EPB41L2: variants seen among roughly 807,000 people sequenced by gnomAD.
EPB41L2 encodes the protein erythrocyte membrane protein band 4.1 like 2.
In EPB41L2, 43 loss-of-function variants were observed where a neutral mutation model predicts 113.0. The observed-to-expected ratio is 0.38, with a 90% confidence interval of 0.30 to 0.49. The LOEUF is 0.49. Among genes scored for constraint, EPB41L2 ranks in the 20% least tolerant of loss-of-function variants. The pLI is 0.95. For synonymous variants in EPB41L2, 442 were observed against 436.7 expected, an observed-to-expected ratio of 1.01 and a Z score of -0.15; for missense variants, 1,147 against 1,223.4, an observed-to-expected ratio of 0.94 and a Z score of 0.93.
chr6:130,849,693 T>G (rs1172704601), intron 19 of EPB41L2, among the ~76,000 whole-genome samples: 2 of 152,202 alleles, frequency 1.3e-5, no homozygotes, highest in Non-Finnish European at 2.9e-5. Flanking sequence ...TCTGTCCCTG[T>G]GTGTAGCATA....
intron 3 of EPB41L2, among the ~76,000 whole-genome samples, chr6:130,930,319 G>C (rs539184613): frequency 1.3e-5 from 2 of 152,250 alleles, no homozygotes; most frequent in African/African-American, 4.8e-5. Flanking sequence ...AGGTAGGAAA[G>C]AATTACAGGT....
chr6:130,969,324 A>C (rs1287118978), intron 1 of EPB41L2, among the ~76,000 whole-genome samples: 1 of 152,194 alleles, frequency 6.6e-6, no homozygotes, highest in African/African-American at 2.4e-5. Flanking sequence ...TCAACAATAA[A>C]AAAGGAATCG....
At chr6:130,870,188 A>G (rs561919561) in intron 14 of EPB41L2, 62 bp from the exon 15 acceptor site, 2 of 1,545,840 alleles carry the variant, frequency 1.3e-6, no homozygotes, top group East Asian at 2.3e-5. Context: ...AACAACGGAA[A>G]CCCAAATTAA....
At chr6:130,858,375 A>G (rs1780951892) in intron 18 of EPB41L2, 132 bp from the exon 19 acceptor site, 2 of 634,714 alleles carry the variant, frequency 3.2e-6, no homozygotes, top group Admixed American at 2.8e-5. Context: ...TATTTGAGAA[A>G]GCAGGAAGAT....
chr6:130,878,166 C>G lies in EPB41L2; in HGVS notation c.1981G>C (p.Glu661Gln). Residue 661 changes from glutamate (E) to glutamine (Q), a missense_variant, in exon 14 of 20, where the codon GAG becomes CAG. Physicochemically the swap from Glu to Gln is conservative, Grantham distance 29. Transcript: ENST00000337057. ...TTTTCCCATTCATTAGGGCGCGGCT[C>G]AGGTGTGGATTCCATAAAATTGCGC... ...LKRNFMESTP[E>Q]PRPNEWEKRR... is the part of the protein sequence containing the mutation. The G allele has an allele frequency of 3.1e-6, 5 of 1,613,528 alleles. No individual in the cohort carries two copies. The highest frequency in any genetic ancestry group is 4.2e-6 in the Non-Finnish European group (5 of 1,179,816).
intron 1 of EPB41L2, among the ~76,000 whole-genome samples, chr6:130,960,469 C>CAGGAAG (rs1773198603): frequency 6.6e-6 from 1 of 152,076 alleles, no homozygotes; most frequent in African/African-American, 2.4e-5. Flanking sequence ...AGGAAGAGCA[C>CAGGAAG]CGACAAAACC....
Position 130,895,815 on chromosome 6 carries a change from G to A in EPB41L2, c.1237-696C>T, listed in dbSNP as rs142707386. On this transcript the variant is annotated intron_variant, in intron 8 of 19. Transcript: ENST00000337057. ...TTCCCTAGAGCTTTAATCTGGAATC[G>A]ATGACAATCTAGAATAATCACAGGC... Among the ~76,000 whole-genome samples, 1,229 of 152,238 alleles carry A rather than the reference G, an allele frequency of 8.1e-3. 14 individuals carry two copies. Among genetic ancestry groups the A allele is most frequent in the African/African-American group, 0.027 (1,138 of 41,534 alleles).
At chr6:130,896,873 T>C (rs1271230594) in intron 8 of EPB41L2, among the ~76,000 whole-genome samples, 2 of 152,106 alleles carry the variant, frequency 1.3e-5, no homozygotes, top group African/African-American at 4.8e-5. Context: ...GAGTTCAGTA[T>C]AAAGGGAGTT....
intron 1 of EPB41L2, among the ~76,000 whole-genome samples, chr6:131,002,195 A>G (rs1224983172): frequency 6.6e-6 from 1 of 152,184 alleles, no homozygotes; most frequent in Non-Finnish European, 1.5e-5. Flanking sequence ...TTCGATCACC[A>G]GTGCCAGCAC....
At chr6:131,049,866 T>A (rs893527385) in intron 1 of EPB41L2, among the ~76,000 whole-genome samples, 1 of 152,190 alleles carries the variant, frequency 6.6e-6, no homozygotes, top group African/African-American at 2.4e-5. Context: ...TTGGCAGACT[T>A]CCTGAGTTTT....
chr6:130,926,786 G>T, intron 3 of EPB41L2, 77 bp from the exon 4 acceptor site: 2 of 782,618 alleles, frequency 2.6e-6, no homozygotes, highest in Non-Finnish European at 4.2e-6. Flanking sequence ...CATCATATCA[G>T]ATACATGATT....
chr6:130,999,580 T>C (rs1351443169), intron 1 of EPB41L2, among the ~76,000 whole-genome samples: 5 of 152,212 alleles, frequency 3.3e-5, no homozygotes, highest in African/African-American at 1.2e-4. Flanking sequence ...GCATGGTATT[T>C]ACTATCTTCA....
intron 4 of EPB41L2, among the ~76,000 whole-genome samples, chr6:130,909,338 T>C (rs903966237): frequency 2.0e-5 from 3 of 152,100 alleles, no homozygotes; most frequent in African/African-American, 7.2e-5. Context: ...GAACTACTCC[T>C]CCTCCTTAAT....
intron 1 of EPB41L2, among the ~76,000 whole-genome samples, chr6:130,968,944 CA>C (rs1776047445): frequency 6.6e-6 from 1 of 152,076 alleles, no homozygotes; most frequent in Non-Finnish European, 1.5e-5. Context: ...GAGAATATGT[CA>C]GGCATTCAAC....
At chr6:131,024,355 G>A (rs555372896) in intron 1 of EPB41L2, among the ~76,000 whole-genome samples, 51 of 152,238 alleles carry the variant, frequency 3.4e-4, no homozygotes, top group Admixed American at 6.5e-4. Context: ...GAGCTGCCAG[G>A]AAAGAGGTGT....
rs372509765 is a variant in EPB41L2 at position 130,904,484 on chromosome 6, A to G, written c.910T>C (p.Leu304=). ...VKFYPPDPSQ[L]TEDITRYFLC... ...AAGTACCTGGTGATATCTTCAGTCA[A>G]TTGAGAAGGATCAGGAGGATAAAAC... is the stretch of plus-strand genomic sequence containing the variant. Residue 304 remains leucine (L), a synonymous_variant, in exon 6 of 20, where the codon TTG becomes CTG. Transcript: ENST00000337057. 477 of 1,603,922 alleles carry G rather than the reference A, an allele frequency of 3.0e-4. 5 individuals are homozygous for G. In the South Asian group the frequency reaches 4.4e-3, roughly 15 times the overall value.
intron 1 of EPB41L2, among the ~76,000 whole-genome samples, chr6:130,990,415 AT>A (rs1781550179): frequency 6.6e-6 from 1 of 152,324 alleles, no homozygotes; most frequent in South Asian, 2.1e-4. Context: ...CGAAGACTAG[AT>A]GGGAGAAATA....
intron 1 of EPB41L2, among the ~76,000 whole-genome samples, chr6:131,032,355 CTT>C (rs1404271743): frequency 6.6e-6 from 1 of 152,066 alleles, no homozygotes; most frequent in African/African-American, 2.4e-5. Context: ...AATTTTGGTT[CTT>C]TTAAAGACAA....
intron 1 of EPB41L2, among the ~76,000 whole-genome samples, chr6:131,020,668 G>A (rs1031369245): frequency 7.9e-5 from 12 of 152,236 alleles, no homozygotes; most frequent in Non-Finnish European, 1.2e-4. Flanking sequence ...TTCTTTAGAT[G>A]GGGTCAACCA....
Sources: gnomAD v4.1 joint callset for allele counts (sites outside exome capture counted in the v4.1 genomes callset) on GRCh38, gnomAD v4.1.1 for gene constraint, MANE v1.5 for transcripts, NCBI Gene and HGNC (gene_info 2026-07-23, HGNC 2026-07-21) for gene names.